The following AURKB variants were observed in gnomAD, a reference collection of about 807,000 sequenced individuals.
AURKB encodes the protein aurora kinase B.
In AURKB, 28 loss-of-function variants were observed where a neutral mutation model predicts 36.5. That is an observed-to-expected ratio of 0.77 (90% CI 0.57 to 1.05). The LOEUF (loss-of-function observed/expected upper bound fraction) is 1.05, where lower values mean the gene tolerates loss of function less well. Ranked by LOEUF, AURKB falls within the 50% of genes least tolerant of loss-of-function variation. The pLI, the probability that AURKB is intolerant of heterozygous loss-of-function variation, is 0.00. For missense variants in AURKB, 383 were observed against 447.4 expected (o/e 0.86, Z 1.30); for synonymous variants, 175 against 172.9 (o/e 1.01, Z -0.09).
At chr17:8,205,494 GGA>G in intron 7 of AURKB, 104 bp from the exon 8 acceptor site, 1 of 1,447,190 alleles carries the variant, frequency 6.9e-7, no homozygotes, top group East Asian at 2.3e-5. Flanking sequence ...ATGTACCAGG[GGA>G]GAGGTCCAGC....
At chr17:8,208,835 C>T (rs1344092517) in intron 2 of AURKB, among the ~76,000 whole-genome samples, 4 of 152,104 alleles carry the variant, frequency 2.6e-5, no homozygotes, top group African/African-American at 7.2e-5. Context: ...ACCCACAATT[C>T]AAGGGGTTTA....
Position 8,210,134 on chromosome 17 carries a change from A to G in AURKB, c.48+43T>C, listed in dbSNP as rs775440600. ...TCAAGTTTCCCAGCAGGAACTCGCC[A>G]TGCGGGGTCATGGGGGCGCAGGGAC... On this transcript the variant is annotated intron_variant, in intron 2 of 8. Coordinates refer to ENST00000585124, the MANE Select transcript of AURKB (RefSeq NM_004217.4). 17 of 1,609,920 alleles carry G rather than the reference A, an allele frequency of 1.1e-5. No homozygotes were observed. The South Asian group carries it at 1.3e-4, about 13-fold the overall frequency.
At position 8,206,969 on chromosome 17, in the gene AURKB, C is replaced by A. The variant is rs771981284; in HGVS notation, c.399-81G>T. 6.3e-6 allele frequency: 10 copies of A among 1,598,358 alleles called. No individual in the cohort carries two copies. Among genetic ancestry groups the A allele is most frequent in the East Asian group, 4.5e-5 (2 of 44,806 alleles). On this transcript the variant is annotated intron_variant, in intron 5 of 8. Transcript: ENST00000585124. This position sits in a 1 kb window ranked among gnomAD's most constrained non-coding sequence, Gnocchi z 4.2. ...ATGATAGGAGCAAACTGGGGTCAGA[C>A]GTGGCCCAGGCCGGGGACACCAGGG... is the stretch of plus-strand genomic sequence containing the variant.
chr17:8,206,732 G>C lies in AURKB; in HGVS notation c.537+18C>G. ...CTCGAGCCCCCTACTGGCGCCCCAG[G>C]TGCCCACCCGCCCGGACCGTGGCTG... On this transcript the variant is annotated intron_variant, in intron 6 of 8. Coordinates refer to ENST00000585124, the MANE Select transcript of AURKB (RefSeq NM_004217.4). This position sits in a 1 kb window ranked among gnomAD's most constrained non-coding sequence, Gnocchi z 4.2. The C allele has an allele frequency of 6.2e-7, 1 of 1,612,764 alleles. No homozygotes were observed. The highest frequency in any genetic ancestry group is 8.5e-7 in the Non-Finnish European group (1 of 1,179,070).
At position 8,210,573 on chromosome 17, in the gene AURKB, A is replaced by G. The variant is rs1239599082; in HGVS notation, c.-69T>C. 2.8e-6 allele frequency: 1 copy of G among 353,736 alleles called. No individual in the cohort carries two copies. Among genetic ancestry groups the G allele is most frequent in the Non-Finnish European group, 5.2e-6 (1 of 193,230 alleles). The allele number at this position is 353,736 out of a possible 1,614,324, so 21.9% of individuals were successfully genotyped here. ...CTACTCTCCCGGCCGCCCGCAAACA[A>G]CTGAATCTGCCACGCCGCGCCCTGG... On this transcript the variant is annotated 5_prime_UTR_variant, in exon 1 of 9. Transcript: ENST00000585124.
Position 8,210,157 on chromosome 17 carries a change from G to C in AURKB, c.48+20C>G. ...CCATGCGGGGTCATGGGGGCGCAGG[G>C]ACGGAGGGAAGGGCCTTACCGTCTG... On this transcript the variant is annotated intron_variant, in intron 2 of 8. Coordinates refer to ENST00000585124, the MANE Select transcript of AURKB (RefSeq NM_004217.4). 1 of 1,612,840 alleles carries C rather than the reference G, an allele frequency of 6.2e-7. No homozygotes were observed. The highest frequency in any genetic ancestry group is 8.5e-7 in the Non-Finnish European group (1 of 1,179,634).
At chr17:8,210,009 G>T in intron 2 of AURKB, 168 bp downstream of exon 2, 2 of 856,906 alleles carry the variant, frequency 2.3e-6, no homozygotes, top group Non-Finnish European at 1.8e-6. Context: ...ACAGGATGTG[G>T]CTACAAATGA....
rs2151472167 is a variant in AURKB, at chr17:8,206,938, GA to G, written c.399-51del. The G allele has an allele frequency of 1.2e-6, 2 of 1,612,518 alleles. No homozygotes were observed. On this transcript the variant is annotated intron_variant, in intron 5 of 8. Transcript: ENST00000585124. The surrounding 1 kb of genome is among the most constrained non-coding windows in gnomAD (Gnocchi z 4.2). Reference sequence around the variant, plus strand: ...TCAGGCCAAAGGCATAAAAGAGCTGGAAAAGATGATAGGAGCAAACTGGGGT... The same window carrying G: ...TCAGGCCAAAGGCATAAAAGAGCTGGAAAGATGATAGGAGCAAACTGGGGT...
Position 8,204,820 on chromosome 17 carries a change from A to G in AURKB, c.*51T>C, listed in dbSNP as rs1984984617. On this transcript the variant is annotated 3_prime_UTR_variant, in exon 9 of 9. Transcript: ENST00000585124. The stretch of plus-strand genomic sequence containing the variant: ...CAGTTAGGGATCCCTTCTTTCCCCT[A>G]TACATACACAGACATACAAACACAC... 6 of 1,599,984 alleles carry G rather than the reference A, an allele frequency of 3.8e-6. No individual in the cohort carries two copies. The East Asian group carries it at 8.9e-5, about 24-fold the overall frequency.
rs749704838 is a variant in AURKB at position 8,205,244 on chromosome 17, T to C, written c.833A>G (p.His278Arg). The change falls in exon 8 of 9, where the codon CAC (histidine) becomes CGC (arginine). Residue 278 changes from histidine (H) to arginine (R), a missense_variant. Physicochemically the swap from His to Arg is conservative, Grantham distance 29 (BLOSUM62 0). Transcript: ENST00000585124. ...VGNPPFESAS[H>R]NETYRRIVKV... ...GACGATGCGGCGATAGGTCTCGTTG[T>C]GTGATGCACTCTCAAAGGGTGGGTT... 2 of 1,614,086 alleles carry C rather than the reference T, an allele frequency of 1.2e-6. No individual in the cohort carries two copies. The highest frequency in any genetic ancestry group is 1.3e-5 in the African/African-American group (1 of 75,030).
Position 8,210,171 on chromosome 17 carries a change from C to A in AURKB, c.48+6G>T, listed in dbSNP as rs755736222. ...GGGGGCGCAGGGACGGAGGGAAGGGCCTTACCGTCTGTCGGCCGTAGGGCC... is the reference window on the plus strand; with the variant it reads ...GGGGGCGCAGGGACGGAGGGAAGGGACTTACCGTCTGTCGGCCGTAGGGCC... On this transcript the variant is annotated splice_donor_region_variant and intron_variant, in intron 2 of 8. Transcript: ENST00000585124. 1 of 1,612,814 alleles carries A rather than the reference C, an allele frequency of 6.2e-7. No individual in the cohort carries two copies. Among genetic ancestry groups the A allele is most frequent in the South Asian group, 1.1e-5 (1 of 90,662 alleles).
intron 2 of AURKB, among the ~76,000 whole-genome samples, chr17:8,209,771 T>A (rs1985858221): frequency 6.6e-6 from 1 of 152,220 alleles, no homozygotes; most frequent in Non-Finnish European, 1.5e-5. Flanking sequence ...TTCCAAATTG[T>A]AATTTAGACT....
In AURKB at chr17:8,206,997, G is replaced by A; in HGVS notation, c.399-109C>T. 6.5e-7 allele frequency: 1 copy of A among 1,546,126 alleles called. No homozygotes were observed. The highest frequency in any genetic ancestry group is 1.9e-5 in the Admixed American group (1 of 53,402). On this transcript the variant is annotated intron_variant, in intron 5 of 8. Transcript: ENST00000585124. This position sits in a 1 kb window ranked among gnomAD's most constrained non-coding sequence, Gnocchi z 4.2. ...GGCCCAGGCCGGGGACACCAGGGCT[G>A]GGAGTGGTAAGGGGAAACTGGAGGC...
In AURKB at chr17:8,206,955, A is replaced by G; in HGVS notation, c.399-67T>C. The G allele has an allele frequency of 6.2e-7, 1 of 1,608,916 alleles. No individual in the cohort carries two copies. Among genetic ancestry groups the G allele is most frequent in the Non-Finnish European group, 8.5e-7 (1 of 1,178,556 alleles). On this transcript the variant is annotated intron_variant, in intron 5 of 8. Coordinates refer to ENST00000585124, the MANE Select transcript of AURKB (RefSeq NM_004217.4). This position sits in a 1 kb window ranked among gnomAD's most constrained non-coding sequence, Gnocchi z 4.2. ...AAGAGCTGGAAAAGATGATAGGAGCAAACTGGGGTCAGACGTGGCCCAGGC... is the reference window on the plus strand; with the variant it reads ...AAGAGCTGGAAAAGATGATAGGAGCGAACTGGGGTCAGACGTGGCCCAGGC...
rs935761049 is a variant in AURKB, at chr17:8,206,200, G to A, written c.686+291C>T. ...GGCTGGAGTGCAATGGCGTAATCTC[G>A]GCTCACTGCAACCTCCGCCTCCCAG... On this transcript the variant is annotated intron_variant, in intron 7 of 8. Coordinates refer to ENST00000585124, the MANE Select transcript of AURKB (RefSeq NM_004217.4). The surrounding 1 kb of genome is among the most constrained non-coding windows in gnomAD (Gnocchi z 4.2). Among the ~76,000 whole-genome samples the A allele has an allele frequency of 5.4e-5, 8 of 148,732 alleles. No homozygotes were observed. The highest frequency in any genetic ancestry group is 1.4e-4 in the Admixed American group (2 of 14,788).
In AURKB at chr17:8,210,125, G is replaced by T. The variant is rs201711309; in HGVS notation, c.48+52C>A. Reference sequence around the variant, plus strand: ...TGCAGGATCTCAAGTTTCCCAGCAGGAACTCGCCATGCGGGGTCATGGGGG... The same window carrying T: ...TGCAGGATCTCAAGTTTCCCAGCAGTAACTCGCCATGCGGGGTCATGGGGG... On this transcript the variant is annotated intron_variant, in intron 2 of 8. Transcript: ENST00000585124. 6.2e-6 allele frequency: 10 copies of T among 1,602,796 alleles called. No individual in the cohort carries two copies. The South Asian group carries it at 1.1e-4, about 18-fold the overall frequency.
rs1190691269 is a variant in AURKB, at chr17:8,206,749, C to G, written c.537+1G>C. On this transcript the variant is annotated splice_donor_variant, in intron 6 of 8. Transcript: ENST00000585124. LOFTEE classifies it high-confidence loss of function. This position sits in a 1 kb window ranked among gnomAD's most constrained non-coding sequence, Gnocchi z 4.2. ...CGCCCCAGGTGCCCACCCGCCCGGA[C>G]CGTGGCTGTTCGCTGCTCGTCAAAT... 2 of 1,613,842 alleles carry G rather than the reference C, an allele frequency of 1.2e-6. No individual in the cohort carries two copies. The highest frequency in any genetic ancestry group is 1.7e-6 in the Non-Finnish European group (2 of 1,179,812).
At chr17:8,208,678 C>T (rs1424236104) in intron 2 of AURKB, among the ~76,000 whole-genome samples, 1 of 152,122 alleles carries the variant, frequency 6.6e-6, no homozygotes, top group Non-Finnish European at 1.5e-5. Flanking sequence ...AAAGGACTCA[C>T]ACCAACACCT....
rs775813274 is a variant in AURKB at position 8,210,259 on chromosome 17, G to A, written c.-25-10C>T. 14 of 1,545,348 alleles carry A rather than the reference G, an allele frequency of 9.1e-6. No homozygotes were observed. The highest frequency in any genetic ancestry group is 1.2e-5 in the Non-Finnish European group (14 of 1,130,044). The stretch of plus-strand genomic sequence containing the variant: ...GAAAGGGGGAGGAGAGCTGGGCGGA[G>A]AAGGGAAACAGCCGTGAGAAGCAGA... On this transcript the variant is annotated splice_polypyrimidine_tract_variant and intron_variant, in intron 1 of 8. Transcript: ENST00000585124.
Sources: gnomAD v4.1 joint callset for allele counts (sites outside exome capture counted in the v4.1 genomes callset) on GRCh38, gnomAD v4.1.1 for gene constraint, Gnocchi (gnomAD v3.1) non-coding constraint, MANE v1.5 for transcripts, NCBI Gene and HGNC (gene_info 2026-07-23, HGNC 2026-07-21) for gene names.